Variants in SPOCK3 observed in about 807,000 individuals in gnomAD.
SPOCK3 encodes testican-3.
Under a neutral mutation model 56.6 loss-of-function variants are expected in SPOCK3, and 30 were observed. The observed-to-expected ratio is 0.53, with a 90% CI of 0.40 to 0.72. The LOEUF is 0.72. SPOCK3 is among the 30% of genes least tolerant of loss of function. The pLI is 0.00. For synonymous variants in SPOCK3, 196 were observed against 183.3 expected (o/e 1.07, Z -0.56); for missense variants, 527 against 530.0 (o/e 0.99, Z 0.06).
chr4:166,863,587 A>G (rs1731467505), intron 6 of SPOCK3, among the ~76,000 whole-genome samples: 2 of 152,228 alleles, frequency 1.3e-5, no homozygotes, highest in African/African-American at 4.8e-5. Context: ...AAAGTGATGG[A>G]GGAATATTTA....
chr4:166,867,743 C>T (rs1015159914), intron 6 of SPOCK3, among the ~76,000 whole-genome samples: 1 of 151,206 alleles, frequency 6.6e-6, no homozygotes, highest in Non-Finnish European at 1.5e-5. Flanking sequence ...TAATAGTAGG[C>T]ATATAAATTA....
At chr4:167,003,085 G>GTTTT (rs10650596) in intron 3 of SPOCK3, among the ~76,000 whole-genome samples, 151,948 of 152,154 alleles carry the variant, frequency 1, 75,871 homozygotes, top group Middle Eastern at 1. Flanking sequence ...GATTATAGCT[G>GTTTT]TTTCTTTACC....
rs112096433 is a variant in SPOCK3, at chr4:166,995,975, G to A, written c.350+4374C>T. Among the ~76,000 whole-genome samples the A allele has an allele frequency of 7.9e-3, 1,200 of 152,076 alleles. 9 individuals carry two copies. Among genetic ancestry groups the A allele is most frequent in the African/African-American group, 0.021 (879 of 41,526 alleles). On this transcript the variant is annotated intron_variant, in intron 4 of 10. Transcript: ENST00000357545. ...ATATTTCAACAAAGGAAACACAAAC[G>A]CCATAGCTATTCAATCAGTGATCAT...
chr4:166,899,674 G>T (rs1467819100), intron 5 of SPOCK3, among the ~76,000 whole-genome samples: 1 of 151,722 alleles, frequency 6.6e-6, no homozygotes, highest in East Asian at 2.0e-4. Flanking sequence ...ACGCCACCAT[G>T]CCCGTCTAAT....
At chr4:167,132,982 G>A (rs995926367) in intron 2 of SPOCK3, among the ~76,000 whole-genome samples, 1 of 151,986 alleles carries the variant, frequency 6.6e-6, no homozygotes, top group Non-Finnish European at 1.5e-5. Context: ...GTATCTTTTT[G>A]GGGACTACCA....
intron 6 of SPOCK3, among the ~76,000 whole-genome samples, chr4:166,801,909 C>A (rs1742646751): frequency 6.6e-6 from 1 of 151,904 alleles, no homozygotes; most frequent in Non-Finnish European, 1.5e-5. Flanking sequence ...GCAGACACTG[C>A]ACAATGAAAG....
chr4:166,856,163 A>G (rs1029668859), intron 6 of SPOCK3, among the ~76,000 whole-genome samples: 22 of 149,954 alleles, frequency 1.5e-4, no homozygotes, highest in Admixed American at 4.0e-4. Flanking sequence ...GACTGAGGGG[A>G]GGAGGAGGAG....
chr4:166,888,353 TA>T (rs1195085962), intron 6 of SPOCK3, among the ~76,000 whole-genome samples: 1 of 152,110 alleles, frequency 6.6e-6, no homozygotes, highest in Non-Finnish European at 1.5e-5. Flanking sequence ...ATAAATTATA[TA>T]ACTGTTGATG....
intron 6 of SPOCK3, among the ~76,000 whole-genome samples, chr4:166,843,874 G>A (rs1162595842): frequency 6.6e-6 from 1 of 152,132 alleles, no homozygotes; most frequent in Non-Finnish European, 1.5e-5. Flanking sequence ...CCTAAATAAT[G>A]GGGCTTGAAA....
chr4:167,081,582 A>G (rs72699631), intron 2 of SPOCK3, among the ~76,000 whole-genome samples: 26,128 of 151,996 alleles, frequency 0.17, 2,719 homozygotes, highest in Admixed American at 0.27. Flanking sequence ...CCAAGGATGG[A>G]AAAATACTTT....
intron 4 of SPOCK3, among the ~76,000 whole-genome samples, chr4:166,945,018 T>A (rs992488706): frequency 6.6e-6 from 1 of 152,232 alleles, no homozygotes; most frequent in African/African-American, 2.4e-5. Flanking sequence ...TGCAGACCCT[T>A]CACGCTGACT....
intron 2 of SPOCK3, among the ~76,000 whole-genome samples, chr4:167,222,974 GAATA>G (rs1456932301): frequency 8.3e-6 from 1 of 120,952 alleles, no homozygotes; most frequent in Admixed American, 9.3e-5. Context: ...TATTTTATAT[GAATA>G]TATATTATAT....
At chr4:167,077,186 A>T (rs1384660804) in intron 2 of SPOCK3, among the ~76,000 whole-genome samples, 1 of 151,878 alleles carries the variant, frequency 6.6e-6, no homozygotes, top group African/African-American at 2.4e-5. Context: ...TATTTATTTT[A>T]TGATTTGAAA....
At chr4:166,968,705 G>A (rs1460407452) in intron 4 of SPOCK3, among the ~76,000 whole-genome samples, 2 of 146,962 alleles carry the variant, frequency 1.4e-5, no homozygotes, top group East Asian at 1.9e-4. Context: ...GAGGCCTCAT[G>A]GAGAACCTCT....
rs560676654 is a variant in SPOCK3, at chr4:167,078,967, A to G, written c.190-16430T>C. Among the ~76,000 whole-genome samples the G allele has an allele frequency of 2.3e-4, 35 of 151,970 alleles. No homozygotes were observed. In the South Asian group the frequency reaches 5.4e-3, roughly 23 times the overall value. On this transcript the variant is annotated intron_variant, in intron 2 of 10. Transcript: ENST00000357545. ...ACAGTTCTATATAATTTTTATAAATAGGAGAGCAGTTTTACAATCACTGGA... is the reference window on the plus strand; with the variant it reads ...ACAGTTCTATATAATTTTTATAAATGGGAGAGCAGTTTTACAATCACTGGA...
chr4:167,234,901 T>G (rs1334751354), upstream of SPOCK3: 2 of 152,238 alleles, frequency 1.3e-5, no homozygotes, highest in Non-Finnish European at 1.5e-5. Flanking sequence ...TTGCCTCTGC[T>G]CCACAATTTC....
intron 2 of SPOCK3, among the ~76,000 whole-genome samples, chr4:167,222,250 C>T (rs773684056): frequency 3.1e-4 from 47 of 151,742 alleles, no homozygotes; most frequent in Non-Finnish European, 5.6e-4. Flanking sequence ...TAGTCAAATT[C>T]GTAGAAACAA....
chr4:166,870,348 G>A (rs1052139954), intron 6 of SPOCK3, among the ~76,000 whole-genome samples: 1 of 151,970 alleles, frequency 6.6e-6, no homozygotes, highest in Non-Finnish European at 1.5e-5. Context: ...GACCTAAAAA[G>A]TGCCACCAAT....
chr4:166,878,856 C>A (rs1666570350), intron 6 of SPOCK3, among the ~76,000 whole-genome samples: 1 of 152,106 alleles, frequency 6.6e-6, no homozygotes. Flanking sequence ...TCAGGTTAAT[C>A]ATTTGTAAAG....
Sources: allele counts gnomAD v4.1 joint callset (sites outside exome capture counted in the v4.1 genomes callset), GRCh38; gene constraint gnomAD v4.1.1; transcripts MANE v1.5; gene names NCBI Gene and HGNC (gene_info 2026-07-23, HGNC 2026-07-21).